The following CSMD1 variants were observed in gnomAD, a reference collection of about 807,000 sequenced individuals.
The protein encoded by CSMD1 is CUB and sushi domain-containing protein 1.
A neutral mutation model predicts 417.5 loss-of-function variants in CSMD1; 213 were observed. The ratio of observed to expected loss-of-function variants is 0.51; its 90% CI spans 0.46 to 0.57. The LOEUF is 0.57. CSMD1 is among the 20% of genes least tolerant of loss of function. The probability of loss-of-function intolerance (pLI) is 0.00; values close to 1 mark genes in which losing one functional copy is unlikely to be tolerated. For missense variants in CSMD1, 6,923 were observed against 4,529.7 expected, an observed-to-expected ratio of 1.53 and a Z score of -15.17; for synonymous variants, 2,862 against 1,736.8, an observed-to-expected ratio of 1.65 and a Z score of -16.11.
chr8:3,293,160 C>A (rs944212253), intron 25 of CSMD1, among the ~76,000 whole-genome samples: 1 of 152,072 alleles, frequency 6.6e-6, no homozygotes, highest in Admixed American at 6.5e-5. Context: ...TGCCCCCACT[C>A]TCTTCTGGCT....
At chr8:3,043,981 C>T (rs1184065355) in intron 50 of CSMD1, among the ~76,000 whole-genome samples, 4 of 152,176 alleles carry the variant, frequency 2.6e-5, no homozygotes, top group Non-Finnish European at 2.9e-5. Flanking sequence ...CACTCTACAA[C>T]AGCAGCTTAA....
chr8:4,627,007 C>T (rs1202475528), intron 2 of CSMD1, among the ~76,000 whole-genome samples: 1 of 152,144 alleles, frequency 6.6e-6, no homozygotes, highest in Non-Finnish European at 1.5e-5. Context: ...GTAATTGCTT[C>T]ATACTCTAAG....
chr8:4,243,121 C>T (rs1296691134), intron 3 of CSMD1, among the ~76,000 whole-genome samples: 3 of 152,030 alleles, frequency 2.0e-5, no homozygotes, highest in East Asian at 3.9e-4. Flanking sequence ...TGTGGAAAAT[C>T]AGACAAATTG....
chr8:3,377,600 T>C (rs764626158), intron 18 of CSMD1, among the ~76,000 whole-genome samples: 2 of 152,172 alleles, frequency 1.3e-5, no homozygotes, highest in Non-Finnish European at 2.9e-5. Flanking sequence ...CATTTTCCTA[T>C]TGATCCTTCA....
chr8:4,976,304 T>A (rs1810558115), intron 1 of CSMD1, among the ~76,000 whole-genome samples: 1 of 152,210 alleles, frequency 6.6e-6, no homozygotes, highest in Non-Finnish European at 1.5e-5. Context: ...ATGGAGTAGC[T>A]ACCTCAGAAG....
At chr8:4,631,286 T>C (rs7819647) in intron 2 of CSMD1, among the ~76,000 whole-genome samples, 111,440 of 151,984 alleles carry the variant, frequency 0.73, 41,193 homozygotes, top group Admixed American at 0.82. Context: ...CGCTGGAACC[T>C]GGGAGGCAGA....
chr8:4,895,050 G>T (rs139385925), intron 1 of CSMD1, among the ~76,000 whole-genome samples: 1 of 152,090 alleles, frequency 6.6e-6, no homozygotes, highest in Admixed American at 6.6e-5. Context: ...AAGAATATCT[G>T]TTTTGTTTCT....
At chr8:4,447,065 C>G (rs906402149) in intron 2 of CSMD1, among the ~76,000 whole-genome samples, 3 of 151,972 alleles carry the variant, frequency 2.0e-5, no homozygotes, top group Non-Finnish European at 4.4e-5. Flanking sequence ...GGTCTGCGAG[C>G]CTAGCCTCAG....
intron 41 of CSMD1, among the ~76,000 whole-genome samples, chr8:3,136,117 T>C (rs147015054): frequency 1.8e-4 from 28 of 152,258 alleles, no homozygotes; most frequent in African/African-American, 6.5e-4. Context: ...GCATTACATC[T>C]AGCCACTAAT....
At chr8:3,146,623 T>C (rs1004443894) in intron 40 of CSMD1, among the ~76,000 whole-genome samples, 2 of 152,132 alleles carry the variant, frequency 1.3e-5, no homozygotes, top group Non-Finnish European at 2.9e-5. Flanking sequence ...ACTGCCTCAG[T>C]TCTTTTGGCT....
At chr8:3,915,109 A>G (rs141349387) in intron 5 of CSMD1, among the ~76,000 whole-genome samples, 22 of 152,112 alleles carry the variant, frequency 1.4e-4, no homozygotes, top group Admixed American at 2.6e-4. Flanking sequence ...TGAAGAGTCA[A>G]GAGTTTAGGT....
At chr8:4,381,465 A>G (rs1563114482) in intron 3 of CSMD1, among the ~76,000 whole-genome samples, 1 of 152,206 alleles carries the variant, frequency 6.6e-6, no homozygotes, top group Admixed American at 6.5e-5. Context: ...GACGTGTGCT[A>G]AAGATCATTG....
chr8:4,624,795 G>T (rs879449191), intron 2 of CSMD1, among the ~76,000 whole-genome samples: 4 of 152,126 alleles, frequency 2.6e-5, no homozygotes, highest in Non-Finnish European at 5.9e-5. Flanking sequence ...CCCTAGTCAA[G>T]TCCAGAAAGT....
chr8:3,684,706 T>G (rs756186934), intron 7 of CSMD1, among the ~76,000 whole-genome samples: 5 of 150,678 alleles, frequency 3.3e-5, no homozygotes, highest in Non-Finnish European at 5.9e-5. Context: ...CACGCCATTC[T>G]CCTGCCTCAG....
chr8:3,695,769 C>T (rs936379242), intron 7 of CSMD1, among the ~76,000 whole-genome samples: 1 of 152,190 alleles, frequency 6.6e-6, no homozygotes, highest in Non-Finnish European at 1.5e-5. Flanking sequence ...ATATTCAATA[C>T]ATGATGAACT....
At chr8:3,199,493 G>C (rs1796876335) in intron 33 of CSMD1, among the ~76,000 whole-genome samples, 1 of 152,066 alleles carries the variant, frequency 6.6e-6, no homozygotes, top group African/African-American at 2.4e-5. Context: ...TGATAAATTA[G>C]ATATTATTGT....
At chr8:4,248,711 C>G (rs1264996392) in intron 3 of CSMD1, among the ~76,000 whole-genome samples, 1 of 152,168 alleles carries the variant, frequency 6.6e-6, no homozygotes, top group East Asian at 1.9e-4. Context: ...GTATCCTGCT[C>G]TTCTTTTTGG....
intron 3 of CSMD1, among the ~76,000 whole-genome samples, chr8:4,131,579 A>T (rs2130981914): frequency 6.6e-6 from 1 of 152,230 alleles, no homozygotes; most frequent in Non-Finnish European, 1.5e-5. Context: ...ATATTGATAA[A>T]CTGCATAGTC....
At chr8:3,966,988 C>G (rs530179361) in intron 5 of CSMD1, among the ~76,000 whole-genome samples, 1 of 152,112 alleles carries the variant, frequency 6.6e-6, no homozygotes, top group Non-Finnish European at 1.5e-5. Flanking sequence ...GAGGGTACAT[C>G]TTCCACTGTA....
Sources: gnomAD v4.1 joint callset for allele counts (sites outside exome capture counted in the v4.1 genomes callset) on GRCh38, gnomAD v4.1.1 for gene constraint, MANE v1.5 for transcripts, NCBI Gene and HGNC (gene_info 2026-07-23, HGNC 2026-07-21) for gene names.